The following ENTHD1 variants were observed in gnomAD, a reference collection of about 807,000 sequenced individuals.
ENTHD1 encodes the protein ENTH domain containing 1, also known as ENTH domain-containing protein 1.
ENTHD1 carries 23 observed loss-of-function variants against 39.1 expected under a neutral mutation model. The observed-to-expected ratio is 0.59, with a 90% CI of 0.42 to 0.83. ENTHD1 has a LOEUF of 0.83. Among genes scored for constraint, ENTHD1 ranks in the 40% least tolerant of loss-of-function variants. ENTHD1 has a pLI of 0.00. For synonymous variants in ENTHD1, 230 were observed against 258.2 expected (o/e 0.89, Z 1.05); for missense variants, 624 against 705.4 (o/e 0.88, Z 1.31).
chr22:39,831,628 C>A (rs1470575782), intron 4 of ENTHD1, among the ~76,000 whole-genome samples: 1 of 150,540 alleles, frequency 6.6e-6, no homozygotes, highest in Non-Finnish European at 1.5e-5. Flanking sequence ...AGTTCAAGAC[C>A]AGCCTGGCCA....
chr22:39,751,525 G>A (rs1397570727), intron 6 of ENTHD1, among the ~76,000 whole-genome samples: 2 of 152,072 alleles, frequency 1.3e-5, no homozygotes, highest in African/African-American at 4.8e-5. Flanking sequence ...TTTTTTTCTT[G>A]CATGTTAATA....
chr22:39,829,512 C>T (rs749460959), intron 4 of ENTHD1, among the ~76,000 whole-genome samples: 3 of 152,028 alleles, frequency 2.0e-5, no homozygotes, highest in Admixed American at 6.6e-5. Context: ...TGGCTGGGCA[C>T]GGTAGCTCAC....
intron 5 of ENTHD1, among the ~76,000 whole-genome samples, chr22:39,779,634 C>G (rs1333204782): frequency 6.6e-6 from 1 of 151,968 alleles, no homozygotes; most frequent in Non-Finnish European, 1.5e-5. Flanking sequence ...TACTCTAATA[C>G]TGTAACTGTG....
At chr22:39,874,729 C>T (rs1025091354) in intron 2 of ENTHD1, among the ~76,000 whole-genome samples, 3 of 152,146 alleles carry the variant, frequency 2.0e-5, no homozygotes, top group Non-Finnish European at 2.9e-5. Context: ...AATACTTGAA[C>T]AGGCAAAAGA....
intron 3 of ENTHD1, among the ~76,000 whole-genome samples, chr22:39,851,638 G>GA (rs2066040863): frequency 6.6e-6 from 1 of 152,152 alleles, no homozygotes; most frequent in South Asian, 2.1e-4. Flanking sequence ...TCAGCATAGT[G>GA]ACCCAAGGCT....
intron 3 of ENTHD1, among the ~76,000 whole-genome samples, chr22:39,836,312 G>T (rs1428833278): frequency 6.6e-6 from 1 of 151,902 alleles, no homozygotes; most frequent in Non-Finnish European, 1.5e-5. Context: ...TAAAATCTTT[G>T]GTCAGAGAAA....
chr22:39,743,504 A>G lies in ENTHD1; in HGVS notation c.*175T>C, dbSNP rs2065075345. 1.4e-6 allele frequency: 1 copy of G among 689,798 alleles called. No individual in the cohort carries two copies. The highest frequency in any genetic ancestry group is 3.0e-5 in the East Asian group (1 of 32,948). The allele number at this position is 689,798 out of a possible 1,614,324, so 42.7% of individuals were successfully genotyped here. ...CAAAGGTGACATCTTTCCCTTTTAA[A>G]AAATAAACCACCCAAATGAAAGTAT... On this transcript the variant is annotated 3_prime_UTR_variant, in exon 7 of 7. Coordinates refer to ENST00000325157, the MANE Select transcript of ENTHD1 (RefSeq NM_152512.4).
At chr22:39,781,174 T>G (rs1369491313) in intron 5 of ENTHD1, among the ~76,000 whole-genome samples, 1 of 152,170 alleles carries the variant, frequency 6.6e-6, no homozygotes, top group Non-Finnish European at 1.5e-5. Context: ...CTGACATTTA[T>G]GAAACATTTT....
intron 5 of ENTHD1, among the ~76,000 whole-genome samples, chr22:39,779,183 G>C (rs2065388694): frequency 6.6e-6 from 1 of 152,078 alleles, no homozygotes; most frequent in Admixed American, 6.6e-5. Flanking sequence ...CGGGCATGGT[G>C]GTGAGTGCCT....
intron 2 of ENTHD1, among the ~76,000 whole-genome samples, chr22:39,874,932 T>C (rs2066274776): frequency 6.6e-6 from 1 of 152,198 alleles, no homozygotes; most frequent in African/African-American, 2.4e-5. Context: ...TAAGAAAACT[T>C]TAGTTTCTAG....
intron 5 of ENTHD1, among the ~76,000 whole-genome samples, chr22:39,785,899 C>A (rs1406994041): frequency 6.6e-6 from 1 of 152,148 alleles, no homozygotes; most frequent in Non-Finnish European, 1.5e-5. Flanking sequence ...CTCTCAAAGA[C>A]AATTTCAAAC....
intron 5 of ENTHD1, among the ~76,000 whole-genome samples, chr22:39,766,019 C>CAAAAAAAAAAAAAAAAAAAAAAAAA (rs11367784): frequency 5.2e-4 from 25 of 48,356 alleles, no homozygotes; most frequent in East Asian, 1.5e-3. Context: ...CCCTCAGCTA[C>CAAAAAAAAAAAAAAAAAAAAAAAAA]AAAAAAAAAA....
At chr22:39,892,604 G>A (rs1256943297) in intron 1 of ENTHD1, among the ~76,000 whole-genome samples, 3 of 152,256 alleles carry the variant, frequency 2.0e-5, no homozygotes, top group Non-Finnish European at 4.4e-5. Flanking sequence ...ATTTCCAAAA[G>A]TTTTTGGATT....
intron 2 of ENTHD1, among the ~76,000 whole-genome samples, chr22:39,877,146 T>C (rs2066297828): frequency 6.6e-6 from 1 of 152,216 alleles, no homozygotes; most frequent in Non-Finnish European, 1.5e-5. Context: ...TAAATTGTAA[T>C]GGGTCTTAAC....
Position 39,882,916 on chromosome 22 carries a change from T to C in ENTHD1, c.349+4484A>G, listed in dbSNP as rs533107863. On this transcript the variant is annotated intron_variant, in intron 2 of 6. Coordinates refer to ENST00000325157, the MANE Select transcript of ENTHD1 (RefSeq NM_152512.4). ...TACTTGGGAGGCTGAGGCAGGAGAA[T>C]CACTTGAACCTGGTGGGGCAGAGGT... 7.2e-4 allele frequency among the ~76,000 whole-genome samples: 104 copies of C among 144,070 alleles called. No homozygotes were observed. The Middle Eastern group carries it at 0.012, about 16-fold the overall frequency. The allele number at this position is 144,070 out of a possible 152,430, so 94.5% of individuals were successfully genotyped here.
intron 5 of ENTHD1, among the ~76,000 whole-genome samples, chr22:39,807,055 T>G (rs1001778263): frequency 6.6e-6 from 1 of 152,170 alleles, no homozygotes; most frequent in East Asian, 1.9e-4. Flanking sequence ...CCTGCCACAC[T>G]AAGTTGTTAG....
rs144908578 is a variant in ENTHD1 at position 39,810,519 on chromosome 22, C to T, written c.832+10474G>A. Reference sequence around the variant, plus strand: ...GGGTATTAGAGAGATCAGGCAGAACCGCTATAATTATACCACTTCCCCTCT... The same window carrying T: ...GGGTATTAGAGAGATCAGGCAGAACTGCTATAATTATACCACTTCCCCTCT... On this transcript the variant is annotated intron_variant, in intron 5 of 6. Transcript: ENST00000325157. Among the ~76,000 whole-genome samples the T allele has an allele frequency of 3.4e-3, 514 of 152,256 alleles. 2 individuals carry two copies. Among genetic ancestry groups the T allele is most frequent in the African/African-American group, 0.012 (490 of 41,544 alleles).
intron 5 of ENTHD1, among the ~76,000 whole-genome samples, chr22:39,796,024 C>A (rs538170406): frequency 6.2e-4 from 94 of 152,150 alleles, no homozygotes; most frequent in African/African-American, 2.1e-3. Context: ...ACCAACTTCT[C>A]ATTTTGTTGA....
intron 5 of ENTHD1, among the ~76,000 whole-genome samples, chr22:39,787,860 C>T (rs1283264930): frequency 1.3e-5 from 2 of 152,204 alleles, no homozygotes; most frequent in Admixed American, 1.3e-4. Flanking sequence ...GGTGGCTACA[C>T]TAAACAACAG....
Sources: allele counts gnomAD v4.1 joint callset (sites outside exome capture counted in the v4.1 genomes callset), GRCh38; gene constraint gnomAD v4.1.1; transcripts MANE v1.5; gene names NCBI Gene and HGNC (gene_info 2026-07-23, HGNC 2026-07-21).